NR2F1-AS1: variants seen among roughly 807,000 people sequenced by gnomAD.
NR2F1-AS1 encodes NR2F1 regulatory antisense RNA 1, also known as NR2F1 antisense RNA 1.
intron 1 of NR2F1-AS1, among the ~76,000 whole-genome samples, chr5:93,569,214 T>C (rs1467402039): frequency 1.3e-5 from 2 of 152,094 alleles, no homozygotes; most frequent in African/African-American, 2.4e-5. Context: ...GCATCATTAG[T>C]ACACAGGAAG....
chr5:93,497,968 G>A (rs1040875705), intron 4 of NR2F1-AS1, among the ~76,000 whole-genome samples: 9 of 152,070 alleles, frequency 5.9e-5, no homozygotes, highest in African/African-American at 2.2e-4. Context: ...TTGGCACTGG[G>A]TTTTCTCCAT....
At chr5:93,526,863 AT>A (rs1480909359) in intron 4 of NR2F1-AS1, among the ~76,000 whole-genome samples, 1 of 152,194 alleles carries the variant, frequency 6.6e-6, no homozygotes, top group Non-Finnish European at 1.5e-5. Context: ...AATAAGAGCT[AT>A]TTATAACAAA....
rs139258525 is a variant in NR2F1-AS1, at chr5:93,568,672, G to C, written n.314-5209C>G. The stretch of plus-strand genomic sequence containing the variant: ...TACTCAATTTTTGAGTGGCATGTTC[G>C]AGTCTGAGGTCCGTGGCCATATGAT... On this transcript the variant is annotated intron_variant and non_coding_transcript_variant, in intron 1 of 5. Coordinates refer to ENST00000660523, the Ensembl canonical transcript of NR2F1-AS1. Among the ~76,000 whole-genome samples the C allele has an allele frequency of 2.6e-4, 39 of 152,158 alleles. 1 individual carries two copies. Among genetic ancestry groups the C allele is most frequent in the African/African-American group, 8.9e-4 (37 of 41,518 alleles).
intron 4 of NR2F1-AS1, among the ~76,000 whole-genome samples, chr5:93,508,283 AG>A (rs1167795325): frequency 6.6e-6 from 1 of 152,222 alleles, no homozygotes; most frequent in Non-Finnish European, 1.5e-5. Flanking sequence ...CACACAGAAT[AG>A]GGAACCCAGA....
intron 4 of NR2F1-AS1, among the ~76,000 whole-genome samples, chr5:93,515,670 A>T (rs61106315): frequency 0.018 from 2,567 of 143,484 alleles, 78 homozygotes; most frequent in African/African-American, 0.059. Flanking sequence ...GGATAATATT[A>T]ACAATAAATG....
At chr5:93,468,547 C>G (rs1278712545) in intron 4 of NR2F1-AS1, among the ~76,000 whole-genome samples, 1 of 152,076 alleles carries the variant, frequency 6.6e-6, no homozygotes, top group Non-Finnish European at 1.5e-5. Flanking sequence ...TGGATATTAG[C>G]CCTTTGACAG....
At chr5:93,440,647 TCTCA>T (rs549738208) in intron 4 of NR2F1-AS1, among the ~76,000 whole-genome samples, 4 of 152,190 alleles carry the variant, frequency 2.6e-5, no homozygotes, top group African/African-American at 7.2e-5. Context: ...ATAGTAAATC[TCTCA>T]CTCACTCACT....
intron 4 of NR2F1-AS1, among the ~76,000 whole-genome samples, chr5:93,524,689 T>C (rs999505044): frequency 5.3e-5 from 8 of 151,816 alleles, no homozygotes; most frequent in Non-Finnish European, 8.8e-5. Flanking sequence ...CAGAAGAGAG[T>C]GGGGTCCAAT....
chr5:93,489,429 A>T (rs80308133), intron 4 of NR2F1-AS1, among the ~76,000 whole-genome samples: 4,573 of 151,870 alleles, frequency 0.03, 222 homozygotes, highest in African/African-American at 0.1. Flanking sequence ...ATATATATAT[A>T]TATTTTTAGG....
At chr5:93,441,082 C>T (rs907754755) in intron 4 of NR2F1-AS1, among the ~76,000 whole-genome samples, 5 of 152,166 alleles carry the variant, frequency 3.3e-5, no homozygotes, top group Non-Finnish European at 7.4e-5. Flanking sequence ...TTAGAGATAA[C>T]ATAAAGTATT....
chr5:93,498,918 T>C (rs1038150624), intron 4 of NR2F1-AS1, among the ~76,000 whole-genome samples: 3 of 152,152 alleles, frequency 2.0e-5, no homozygotes, highest in Non-Finnish European at 4.4e-5. Context: ...TAATTATATG[T>C]ATTACCCTTA....
intron 4 of NR2F1-AS1, among the ~76,000 whole-genome samples, chr5:93,516,192 A>G (rs1751398175): frequency 6.6e-6 from 1 of 152,028 alleles, no homozygotes; most frequent in Non-Finnish European, 1.5e-5. Flanking sequence ...ACACTTACAG[A>G]GTGTTTTCAA....
chr5:93,494,901 A>C (rs1482054787), intron 4 of NR2F1-AS1, among the ~76,000 whole-genome samples: 2 of 152,122 alleles, frequency 1.3e-5, no homozygotes, highest in Non-Finnish European at 2.9e-5. Flanking sequence ...GTGTGTGTGT[A>C]AGTGTGTCAA....
intron 4 of NR2F1-AS1, among the ~76,000 whole-genome samples, chr5:93,504,552 C>T (rs1264233233): frequency 6.6e-6 from 1 of 151,800 alleles, no homozygotes; most frequent in Admixed American, 6.6e-5. Context: ...AAGGCATACT[C>T]GAGACTGAGA....
intron 4 of NR2F1-AS1, among the ~76,000 whole-genome samples, chr5:93,550,510 T>C (rs1752202043): frequency 6.6e-6 from 1 of 152,218 alleles, no homozygotes; most frequent in South Asian, 2.1e-4. Flanking sequence ...ACGCATTTTT[T>C]AAATAAGAAG....
intron 4 of NR2F1-AS1, among the ~76,000 whole-genome samples, chr5:93,521,156 G>C (rs918325181): frequency 6.6e-6 from 1 of 152,108 alleles, no homozygotes; most frequent in African/African-American, 2.4e-5. Context: ...TGGGATAACT[G>C]GCTAGCCATA....
At chr5:93,514,653 G>A (rs954668774) in intron 4 of NR2F1-AS1, among the ~76,000 whole-genome samples, 2 of 151,980 alleles carry the variant, frequency 1.3e-5, no homozygotes, top group African/African-American at 4.8e-5. Context: ...ATTTTAGTTG[G>A]AGCAATTCTT....
At chr5:93,522,470 A>G (rs1751521991) in intron 4 of NR2F1-AS1, among the ~76,000 whole-genome samples, 1 of 152,268 alleles carries the variant, frequency 6.6e-6, no homozygotes, top group Non-Finnish European at 1.5e-5. Flanking sequence ...AAATACAACA[A>G]TTACTAAAAA....
intron 4 of NR2F1-AS1, among the ~76,000 whole-genome samples, chr5:93,515,117 A>G (rs1347067489): frequency 1.3e-5 from 2 of 151,996 alleles, no homozygotes; most frequent in East Asian, 3.9e-4. Flanking sequence ...TAATAAAGTG[A>G]CATGTGTAAA....
Sources: gnomAD v4.1 joint callset for allele counts (sites outside exome capture counted in the v4.1 genomes callset) on GRCh38, gnomAD v4.1.1 for gene constraint, MANE v1.5 for transcripts, NCBI Gene and HGNC (gene_info 2026-07-23, HGNC 2026-07-21) for gene names.